OR1F1: variants seen among roughly 807,000 people sequenced by gnomAD.
OR1F1 encodes olfactory receptor 1F1.
For synonymous variants in OR1F1, 184 were observed against 156.7 expected (o/e 1.17, Z -1.30); for missense variants, 493 against 376.3 (o/e 1.31, Z -2.57).
chr16:3,205,154 A>T, exon 1 of OR1F1: 1 of 1,611,810 alleles, frequency 6.2e-7, no homozygotes, highest in South Asian at 1.1e-5. Context: ...GCTCTGAAAA[A>T]AGTAGTTGGC....
the OR1F1 span, among the ~76,000 whole-genome samples, chr16:3,195,276 T>TA: frequency 6.6e-6 from 1 of 151,350 alleles, no homozygotes; most frequent in South Asian, 2.1e-4. Flanking sequence ...CGTTTACTAT[T>TA]AAAAAAAGAA....
the OR1F1 span, among the ~76,000 whole-genome samples, chr16:3,195,802 G>T: frequency 6.6e-6 from 1 of 152,258 alleles, no homozygotes; most frequent in African/African-American, 2.4e-5. Flanking sequence ...GGCACACAGA[G>T]GTGCTCAATA....
the OR1F1 span, among the ~76,000 whole-genome samples, chr16:3,196,866 T>A: frequency 7.3e-5 from 11 of 151,204 alleles, no homozygotes; most frequent in African/African-American, 2.7e-4. Flanking sequence ...AGCTATTTTG[T>A]TGTTGTTGTT....
the OR1F1 span, chr16:3,188,341 G>C: frequency 6.6e-6 from 1 of 152,050 alleles, no homozygotes; most frequent in Non-Finnish European, 1.5e-5. Context: ...TGCCAACTGC[G>C]GCAACTGCGG....
the OR1F1 span, among the ~76,000 whole-genome samples, chr16:3,198,447 C>G: frequency 1.3e-5 from 2 of 152,272 alleles, no homozygotes; most frequent in Non-Finnish European, 2.9e-5. Context: ...GGCTTAACCC[C>G]TTAAGCAGGG....
At chr16:3,203,944 A>G (rs1263829685), upstream of OR1F1, among the ~76,000 whole-genome samples, 1 of 152,138 alleles carries the variant, frequency 6.6e-6, no homozygotes, top group Non-Finnish European at 1.5e-5. Context: ...TCTGTCTGAC[A>G]TCCTGAACTG....
chr16:3,195,612 T>C, the OR1F1 span, among the ~76,000 whole-genome samples: 1 of 148,484 alleles, frequency 6.7e-6, no homozygotes, highest in Admixed American at 6.7e-5. Context: ...AGCCCGGGAG[T>C]TGGAGGTTGC....
the OR1F1 span, among the ~76,000 whole-genome samples, chr16:3,195,995 C>T: frequency 1.3e-5 from 2 of 152,212 alleles, no homozygotes; most frequent in African/African-American, 2.4e-5. Flanking sequence ...CTGTGCCACC[C>T]GCCAGCAGGA....
upstream of OR1F1, among the ~76,000 whole-genome samples, chr16:3,203,183 G>A (rs1958156307): frequency 6.6e-6 from 1 of 152,192 alleles, no homozygotes; most frequent in African/African-American, 2.4e-5. Flanking sequence ...AGCCAAGGAG[G>A]GGAAGGGACA....
exon 1 of OR1F1, chr16:3,205,170 G>A: frequency 6.2e-7 from 1 of 1,607,004 alleles, no homozygotes. Context: ...TTGGCAGGGT[G>A]GTGTTTTCTG....
chr16:3,200,743 A>T (rs985776742), upstream of OR1F1, among the ~76,000 whole-genome samples: 2 of 152,186 alleles, frequency 1.3e-5, no homozygotes, highest in African/African-American at 4.8e-5. Context: ...CCTCAATTAC[A>T]AGGTGAATGC....
upstream of OR1F1, among the ~76,000 whole-genome samples, chr16:3,202,693 T>A (rs1308703238): frequency 6.8e-6 from 1 of 146,414 alleles, no homozygotes. Context: ...ATAATAATAA[T>A]AATAATAATA....
the OR1F1 span, among the ~76,000 whole-genome samples, chr16:3,192,267 A>G: frequency 1.3e-5 from 2 of 150,868 alleles, no homozygotes; most frequent in Admixed American, 6.5e-5. Context: ...CGTGTTAGCC[A>G]GGATGGTCTT....
chr16:3,200,027 AAG>A (rs1491456905), upstream of OR1F1, among the ~76,000 whole-genome samples: 1 of 151,350 alleles, frequency 6.6e-6, no homozygotes, highest in African/African-American at 2.4e-5. Context: ...AAAAAAAAAA[AAG>A]AAGAAGAACA....
upstream of OR1F1, among the ~76,000 whole-genome samples, chr16:3,203,811 C>G (rs1489576750): frequency 6.6e-6 from 1 of 152,150 alleles, no homozygotes; most frequent in Non-Finnish European, 1.5e-5. Flanking sequence ...CTGATAACTG[C>G]TTGTCAGGAC....
chr16:3,204,770 C>G (rs769857580), exon 1 of OR1F1: 7 of 1,614,068 alleles, frequency 4.3e-6, no homozygotes, highest in Non-Finnish European at 5.9e-6. Flanking sequence ...AATGCCATCA[C>G]TCACTTCTTC....
chr16:3,188,734 G>A, the OR1F1 span, among the ~76,000 whole-genome samples: 1 of 152,170 alleles, frequency 6.6e-6, no homozygotes, highest in African/African-American at 2.4e-5. Flanking sequence ...TTTTAGCCCA[G>A]ATCTGCTGGA....
At chr16:3,204,858 C>T in exon 1 of OR1F1, 4 of 1,614,132 alleles carry the variant, frequency 2.5e-6, no homozygotes, top group Non-Finnish European at 3.4e-6. Context: ...GTGAGGGTGC[C>T]CTGGTCATGA....
the OR1F1 span, among the ~76,000 whole-genome samples, chr16:3,191,525 C>G: frequency 1.3e-5 from 2 of 152,184 alleles, no homozygotes; most frequent in Non-Finnish European, 2.9e-5. Flanking sequence ...GTCGGTAGAG[C>G]ATGGGACTCT....
Sources: allele counts gnomAD v4.1 joint callset (sites outside exome capture counted in the v4.1 genomes callset), GRCh38; gene constraint gnomAD v4.1.1; transcripts MANE v1.5; gene names NCBI Gene and HGNC (gene_info 2026-07-23, HGNC 2026-07-21).